CHAF1B: variants seen among roughly 807,000 people sequenced by gnomAD.
The protein encoded by CHAF1B is chromatin assembly factor 1 subunit B, also known as CAF-1 subunit B.
Under a neutral mutation model 60.7 loss-of-function variants are expected in CHAF1B, and 10 were observed. The observed-to-expected ratio is 0.16, with a 90% CI of 0.10 to 0.28. CHAF1B has a LOEUF of 0.28. Ranked by LOEUF, CHAF1B falls within the 10% of genes least tolerant of loss-of-function variation. The pLI, the probability that CHAF1B is intolerant of heterozygous loss-of-function variation, is 1.00. For synonymous variants in CHAF1B, 261 were observed against 266.1 expected, an observed-to-expected ratio of 0.98 and a Z score of 0.19; for missense variants, 558 against 708.4, an observed-to-expected ratio of 0.79 and a Z score of 2.41.
At chr21:36,403,973 T>A (rs964690980) in intron 8 of CHAF1B, among the ~76,000 whole-genome samples, 3 of 152,188 alleles carry the variant, frequency 2.0e-5, no homozygotes, top group African/African-American at 4.8e-5. Context: ...TAAAGAACAC[T>A]GCGGAACATG....
rs201247343 is a variant in CHAF1B, at chr21:36,417,167, G to T, written c.*801G>T. 1 of 151,602 alleles carries T rather than the reference G, an allele frequency of 6.6e-6. No individual in the cohort carries two copies. The highest frequency in any genetic ancestry group is 6.6e-5 in the Admixed American group (1 of 15,166). The allele number at this position is 151,602 out of a possible 1,614,324, so 9.4% of individuals were successfully genotyped here. A position where few individuals can be genotyped will look rare whatever the true frequency, so the allele number is the denominator to read the frequency against. On this transcript the variant is annotated 3_prime_UTR_variant, in exon 14 of 14. Coordinates refer to ENST00000314103, the MANE Select transcript of CHAF1B (RefSeq NM_005441.3). ...GCTCACTGCAGCCTCGACCTCCTGG[G>T]CTCGAGCGATCCTTCCACCTCAGCT...
intron 5 of CHAF1B, 23 bp downstream of exon 5, chr21:36,394,673 T>C (rs767026566): frequency 6.1e-6 from 9 of 1,470,884 alleles, no homozygotes; most frequent in Non-Finnish European, 5.7e-6. Context: ...TTTTTGTTAT[T>C]AGCAGGAAGA....
chr21:36,398,033 G>A (rs562637118), intron 6 of CHAF1B: 1 of 151,092 alleles, frequency 6.6e-6, no homozygotes, highest in South Asian at 2.1e-4. Context: ...CCTGAACTTA[G>A]TAAATCTTTA....
rs1352533206 is a variant in CHAF1B at position 36,409,440 on chromosome 21, T to C, written c.894T>C (p.Phe298=). 1 of 1,613,860 alleles carries C rather than the reference T, an allele frequency of 6.2e-7. No homozygotes were observed. The change falls in exon 10 of 14, where the codon TTT becomes TTC. Residue 298 remains phenylalanine (F), a synonymous_variant. Transcript: ENST00000314103. ...TLAVRCCPVY[F]ELRPVVETGV... ...CTGTTCGCTGCTGTCCGGTCTACTTTGAACTGAGGCCAGTGGTGGAAACAG... is the reference window on the plus strand; with the variant it reads ...CTGTTCGCTGCTGTCCGGTCTACTTCGAACTGAGGCCAGTGGTGGAAACAG...
At chr21:36,407,021 G>T (rs953472939) in intron 8 of CHAF1B, among the ~76,000 whole-genome samples, 4 of 152,200 alleles carry the variant, frequency 2.6e-5, no homozygotes, top group Middle Eastern at 3.2e-3. Context: ...CTGGAAACTG[G>T]CTGGGCATGG....
chr21:36,396,003 GT>G (rs112517403), intron 5 of CHAF1B, among the ~76,000 whole-genome samples: 52 of 147,100 alleles, frequency 3.5e-4, no homozygotes, highest in African/African-American at 8.4e-4. Context: ...GTTTTGTGTG[GT>G]TTTTTTTTTT....
chr21:36,412,939 G>C lies in CHAF1B; in HGVS notation c.1117G>C (p.Val373Leu). ...TTCCACGGACGGTTACTGCTCATTTGTGACATTTGAGAAAGATGAACTTGG... is the reference window on the plus strand; with the variant it reads ...TTCCACGGACGGTTACTGCTCATTTCTGACATTTGAGAAAGATGAACTTGG... ...ISSTDGYCSF[V>L]TFEKDELGIP... The change falls in exon 12 of 14, where the codon GTG becomes CTG. Residue 373 changes from valine to leucine, a missense_variant. By Grantham distance (32) the Val-to-Leu change is conservative (BLOSUM62 1). Coordinates refer to ENST00000314103, the MANE Select transcript of CHAF1B (RefSeq NM_005441.3). 1 of 1,614,202 alleles carries C rather than the reference G, an allele frequency of 6.2e-7. No homozygotes were observed. The highest frequency in any genetic ancestry group is 8.5e-7 in the Non-Finnish European group (1 of 1,180,044).
chr21:36,403,759 T>C (rs2086211933), intron 8 of CHAF1B, among the ~76,000 whole-genome samples: 1 of 152,236 alleles, frequency 6.6e-6, no homozygotes, highest in Non-Finnish European at 1.5e-5. Flanking sequence ...CTAGGCATTA[T>C]TGTGGCCACA....
chr21:36,408,330 G>A (rs1482727378), intron 8 of CHAF1B, among the ~76,000 whole-genome samples: 1 of 152,194 alleles, frequency 6.6e-6, no homozygotes. Flanking sequence ...GGAAGTTGGG[G>A]AAAGGCGAGT....
intron 12 of CHAF1B, among the ~76,000 whole-genome samples, chr21:36,415,014 A>G (rs573007469): frequency 1.1e-4 from 17 of 152,328 alleles, no homozygotes; most frequent in African/African-American, 4.1e-4. Flanking sequence ...GAGTGTTCAC[A>G]AGACCGTCGG....
At chr21:36,396,067 C>T (rs928726844) in intron 5 of CHAF1B, among the ~76,000 whole-genome samples, 5 of 151,554 alleles carry the variant, frequency 3.3e-5, no homozygotes, top group South Asian at 2.1e-4. Context: ...GTGGTGCGAT[C>T]TCAGCTCACT....
At chr21:36,389,798 T>TGCGCGCGCGCGC (rs1389760338) in intron 3 of CHAF1B, among the ~76,000 whole-genome samples, 3 of 97,616 alleles carry the variant, frequency 3.1e-5, no homozygotes, top group African/African-American at 1.6e-4. Context: ...TGTGTGTGTG[T>TGCGCGCGCGCGC]GTGCGCGCGC....
At chr21:36,405,049 C>T (rs1405024801) in intron 8 of CHAF1B, among the ~76,000 whole-genome samples, 1 of 132,074 alleles carries the variant, frequency 7.6e-6, no homozygotes, top group African/African-American at 2.6e-5. Flanking sequence ...CTGCGCCCAG[C>T]CCCAGTAGCA....
chr21:36,406,333 TTGAGAG>T (rs2086237728), intron 8 of CHAF1B, among the ~76,000 whole-genome samples: 2 of 152,214 alleles, frequency 1.3e-5, no homozygotes. Context: ...TCGCCCAGGC[TTGAGAG>T]CATTGGCGTG....
chr21:36,396,093 C>T (rs536124420), intron 5 of CHAF1B, among the ~76,000 whole-genome samples: 115 of 151,674 alleles, frequency 7.6e-4, no homozygotes, highest in Non-Finnish European at 1.4e-3. Context: ...CTCTGCCTCC[C>T]GGGTTCAACA....
rs1202370787 is a variant in CHAF1B at position 36,415,306 on chromosome 21, T to C, written c.1505T>C (p.Leu502Ser). Residue 502 changes from leucine to serine, a missense_variant, in exon 13 of 14, where the codon TTA becomes TCA. Physicochemically the swap from Leu to Ser is moderately radical, Grantham distance 145. This residue lies in a region of CHAF1B where 233 missense variants were observed against 214.9 expected (regional missense o/e 1.08). Transcript: ENST00000314103. The stretch of plus-strand genomic sequence containing the variant: ...TTTTTTAAATCAAGGAGAATAAACT[T>C]AACACCCTTAAAGACGGACACTCCA... The part of the protein sequence containing the change: ...WSKTTPRRIN[L>S]TPLKTDTPPS... 6 of 1,607,436 alleles carry C rather than the reference T, an allele frequency of 3.7e-6. No homozygotes were observed. Among genetic ancestry groups the C allele is most frequent in the Non-Finnish European group, 5.1e-6 (6 of 1,174,526 alleles).
chr21:36,392,256 T>A (rs909832426), intron 4 of CHAF1B, among the ~76,000 whole-genome samples: 6 of 152,170 alleles, frequency 3.9e-5, no homozygotes, highest in African/African-American at 1.2e-4. Flanking sequence ...GGTTATAGAT[T>A]AGCAGCATCC....
Position 36,385,418 on chromosome 21 carries a change from G to A in CHAF1B, c.-111G>A, listed in dbSNP as rs1026902001. The A allele has an allele frequency of 1.3e-5, 2 of 152,224 alleles. No homozygotes were observed. The highest frequency in any genetic ancestry group is 4.1e-4 in the South Asian group (2 of 4,832). 9.4% of individuals were successfully genotyped at this position (152,224 alleles called of 1,614,324 possible). ...GGAAGCGGCGCGCGCTGCGCGGGAGGTGACGGTGCCTCTGACTGTCCGGGT... is the reference window on the plus strand; with the variant it reads ...GGAAGCGGCGCGCGCTGCGCGGGAGATGACGGTGCCTCTGACTGTCCGGGT... On this transcript the variant is annotated 5_prime_UTR_variant, in exon 1 of 14. The change creates a new upstream start codon in the 5' untranslated region. Transcript: ENST00000314103.
intron 7 of CHAF1B, among the ~76,000 whole-genome samples, chr21:36,400,535 A>G (rs2086179350): frequency 6.6e-6 from 1 of 152,104 alleles, no homozygotes; most frequent in South Asian, 2.1e-4. Flanking sequence ...CCCCAACCTG[A>G]GTGGCGTGAT....
Sources: allele counts gnomAD v4.1 joint callset (sites outside exome capture counted in the v4.1 genomes callset), GRCh38; gene constraint gnomAD v4.1.1; regional missense constraint gnomAD v4.1.1; transcripts MANE v1.5; gene names NCBI Gene and HGNC (gene_info 2026-07-23, HGNC 2026-07-21).